Variants in SLC37A3 observed in about 807,000 individuals in gnomAD.
The protein encoded by SLC37A3 is solute carrier family 37 member 3, also known as sugar phosphate exchanger 3.
SLC37A3 carries 51 observed loss-of-function variants against 67.1 expected under a neutral mutation model. The ratio of observed to expected loss-of-function variants is 0.76; its 90% confidence interval spans 0.61 to 0.96. SLC37A3 has a LOEUF of 0.96. SLC37A3 is among the 40% of genes least tolerant of loss of function. The pLI is 0.00. For missense variants in SLC37A3, 508 were observed against 603.0 expected, an observed-to-expected ratio of 0.84 and a Z score of 1.65; for synonymous variants, 214 against 231.4, an observed-to-expected ratio of 0.92 and a Z score of 0.68.
At chr7:140,352,914 G>A (rs1375216382) in intron 7 of SLC37A3, among the ~76,000 whole-genome samples, 2 of 152,132 alleles carry the variant, frequency 1.3e-5, no homozygotes, top group Non-Finnish European at 2.9e-5. Context: ...GACAAAATTA[G>A]TGTTTCCAGA....
chr7:140,375,370 T>C lies in SLC37A3; in HGVS notation c.198+4912A>G, dbSNP rs1193326483. On this transcript the variant is annotated intron_variant, in intron 3 of 14. Coordinates refer to ENST00000326232, the MANE Select transcript of SLC37A3 (RefSeq NM_207113.3). Reference sequence around the variant, plus strand: ...TGCACCTGTAATCCCAGCTACTCCGTAGGCTGAGACAGGAGAATCACTTGA... The same window carrying C: ...TGCACCTGTAATCCCAGCTACTCCGCAGGCTGAGACAGGAGAATCACTTGA... Among the ~76,000 whole-genome samples, 3 of 149,772 alleles carry C rather than the reference T, an allele frequency of 2.0e-5. No individual in the cohort carries two copies. The East Asian group carries it at 5.9e-4, about 30-fold the overall frequency.
At chr7:140,349,090 A>G (rs6964909) in intron 9 of SLC37A3, among the ~76,000 whole-genome samples, 102,453 of 152,094 alleles carry the variant, frequency 0.67, 34,700 homozygotes, top group East Asian at 0.8. Flanking sequence ...TATAAGGCAG[A>G]GCACATACCC....
intron 4 of SLC37A3, among the ~76,000 whole-genome samples, chr7:140,368,626 G>A (rs916986808): frequency 5.3e-5 from 8 of 152,064 alleles, no homozygotes; most frequent in African/African-American, 1.9e-4. Context: ...CCAAAAACAT[G>A]TATCTTCAGA....
At position 140,343,504 on chromosome 7, in the gene SLC37A3, G is replaced by A. The variant is rs200119569; in HGVS notation, c.1234C>T (p.Arg412Cys). Residue 412 changes from arginine (R) to cysteine (C), a missense_variant, in exon 13 of 15, where the codon CGC becomes TGC. Transcript: ENST00000326232. ...ISSAISADLGRQELIQRSSEA... is the reference protein window; with the variant it reads ...ISSAISADLGCQELIQRSSEA... ...CTGCTCCTTTGGATGAGCTCCTGGC[G>A]ACCCAAGTCCGCAGAAATAGCAGAA... 2.2e-5 allele frequency: 35 copies of A among 1,613,986 alleles called. No homozygotes were observed. The highest frequency in any genetic ancestry group is 1.7e-4 in the Middle Eastern group (1 of 6,058).
Position 140,352,140 on chromosome 7 carries a change from A to C in SLC37A3, c.625T>G (p.Phe209Val). The C allele has an allele frequency of 6.3e-7, 1 of 1,586,834 alleles. No homozygotes were observed. The highest frequency in any genetic ancestry group is 8.6e-7 in the Non-Finnish European group (1 of 1,162,536). ...AACTGCACAGACGCCGTCACCAGAA[A>C]GGCATACTGGAGGAGAGGGGTGAAA... ...SVLQYGYEYAFLVTASVQFAG... is the reference protein window; with the variant it reads ...SVLQYGYEYAVLVTASVQFAG... Residue 209 changes from phenylalanine to valine, a missense_variant, in exon 8 of 15, where the codon TTT becomes GTT. Physicochemically the swap from Phe to Val is conservative, Grantham distance 50. Coordinates refer to ENST00000326232, the MANE Select transcript of SLC37A3 (RefSeq NM_207113.3).
chr7:140,385,908 G>A (rs1437040520), intron 1 of SLC37A3, among the ~76,000 whole-genome samples: 1 of 152,086 alleles, frequency 6.6e-6, no homozygotes, highest in Non-Finnish European at 1.5e-5. Flanking sequence ...TCAGCCTCTC[G>A]AGTAGCTGGC....
At position 140,382,466 on chromosome 7, in the gene SLC37A3, C is replaced by T. The variant is rs1234710293; in HGVS notation, c.61G>A (p.Val21Ile). 4 of 1,614,040 alleles carry T rather than the reference C, an allele frequency of 2.5e-6. No homozygotes were observed. Among genetic ancestry groups the T allele is most frequent in the African/African-American group, 2.7e-5 (2 of 74,932 alleles). ...SLLSQFSHHH[V>I]VVFLLTFFSY... The stretch of plus-strand genomic sequence containing the variant: ...AAGAAAGTGAGCAGGAACACTACAA[C>T]ATGATGATGGCTGAACTGGGACAGC... The change falls in exon 2 of 15, where the codon GTT (valine) becomes ATT (isoleucine). Residue 21 changes from valine to isoleucine, a missense_variant. Val to Ile is a conservative substitution (Grantham distance 29). Coordinates refer to ENST00000326232, the MANE Select transcript of SLC37A3 (RefSeq NM_207113.3).
chr7:140,352,829 C>G (rs1796868884), intron 7 of SLC37A3, among the ~76,000 whole-genome samples: 1 of 152,142 alleles, frequency 6.6e-6, no homozygotes, highest in Admixed American at 6.6e-5. Flanking sequence ...TCTCAACCCC[C>G]AGGCTGCACA....
chr7:140,360,729 G>T (rs1378640208), intron 5 of SLC37A3, among the ~76,000 whole-genome samples: 3 of 59,294 alleles, frequency 5.1e-5, no homozygotes, highest in African/African-American at 1.2e-4. Context: ...GCAAGACTCC[G>T]TTTAAAAAAA....
chr7:140,361,668 C>T (rs1797301919), intron 5 of SLC37A3, among the ~76,000 whole-genome samples: 1 of 150,458 alleles, frequency 6.6e-6, no homozygotes, highest in Non-Finnish European at 1.5e-5. Flanking sequence ...CCTGCCTCAG[C>T]CTGCCGAGTG....
At chr7:140,386,065 G>A (rs1288469952) in intron 1 of SLC37A3, among the ~76,000 whole-genome samples, 1 of 152,114 alleles carries the variant, frequency 6.6e-6, no homozygotes, top group Non-Finnish European at 1.5e-5. Flanking sequence ...TCACAGGTGT[G>A]AGCCACCATG....
At chr7:140,357,794 GT>G (rs1248760357) in intron 6 of SLC37A3, among the ~76,000 whole-genome samples, 1 of 151,924 alleles carries the variant, frequency 6.6e-6, no homozygotes, top group Non-Finnish European at 1.5e-5. Flanking sequence ...GCACATGCCT[GT>G]AATCCCAGCT....
intron 7 of SLC37A3, 96 bp from the exon 8 acceptor site, chr7:140,352,242 G>GA: frequency 2.6e-6 from 1 of 382,886 alleles, no homozygotes; most frequent in South Asian, 1.9e-5. Flanking sequence ...GGGGGTGGGG[G>GA]AGAGGTGGGA....
At chr7:140,351,580 G>T in intron 8 of SLC37A3, 129 bp from the exon 9 acceptor site, 2 of 927,526 alleles carry the variant, frequency 2.2e-6, no homozygotes. Flanking sequence ...AAGGTCCAGA[G>T]ACCGAGGTCA....
At position 140,369,644 on chromosome 7, in the gene SLC37A3, T is replaced by C. The variant is rs1343719164; in HGVS notation, c.237A>G (p.Lys79=). Residue 79 remains lysine (K), a synonymous_variant, in exon 4 of 15, where the codon AAA becomes AAG. Coordinates refer to ENST00000326232, the MANE Select transcript of SLC37A3 (RefSeq NM_207113.3). The part of the protein sequence containing the change: ...SSNHLFPSAE[K]ATLFLGTLDT... ...CCAGTGTGCCGAGGAAAAGAGTCGC[T>C]TTCTCTGCACTGGGGAACAAATGGT... 5.0e-6 allele frequency: 8 copies of C among 1,613,888 alleles called. No homozygotes were observed. The highest frequency in any genetic ancestry group is 5.1e-6 in the Non-Finnish European group (6 of 1,179,982).
At chr7:140,356,325 G>GAA (rs1204105183) in intron 6 of SLC37A3, among the ~76,000 whole-genome samples, 1 of 152,094 alleles carries the variant, frequency 6.6e-6, no homozygotes, top group African/African-American at 2.4e-5. Context: ...CAAAGTCTTT[G>GAA]AAAAGTGGGC....
intron 1 of SLC37A3, among the ~76,000 whole-genome samples, chr7:140,390,397 T>A (rs1334594385): frequency 6.6e-6 from 1 of 152,096 alleles, no homozygotes; most frequent in Non-Finnish European, 1.5e-5. Flanking sequence ...GTGCTCCCTA[T>A]ACCTTCACTT....
Position 140,335,478 on chromosome 7 carries a change from C to T in SLC37A3, c.1419G>A (p.Ser473=), listed in dbSNP as rs772801174. The T allele has an allele frequency of 8.1e-6, 13 of 1,613,744 alleles. No individual in the cohort carries two copies. The highest frequency in any genetic ancestry group is 1.6e-4 in the Middle Eastern group (1 of 6,078). ...AGAATATTTCCCTCACTATTAATGG[C>T]GAGATAAACACAATTGTACAACTTG... is the stretch of plus-strand genomic sequence containing the variant. The part of the protein sequence containing the change: ...LMTSCTIVFI[S]PLIVREIFSL... Residue 473 remains serine (S), a synonymous_variant, in exon 15 of 15, where the codon TCG becomes TCA. Coordinates refer to ENST00000326232, the MANE Select transcript of SLC37A3 (RefSeq NM_207113.3).
At chr7:140,358,202 G>A (rs1034403413) in intron 6 of SLC37A3, among the ~76,000 whole-genome samples, 1 of 152,114 alleles carries the variant, frequency 6.6e-6, no homozygotes, top group African/African-American at 2.4e-5. Context: ...ACCTTGGGCA[G>A]GTCAACATGA....
Sources: gnomAD v4.1 joint callset for allele counts (sites outside exome capture counted in the v4.1 genomes callset) on GRCh38, gnomAD v4.1.1 for gene constraint, MANE v1.5 for transcripts, NCBI Gene and HGNC (gene_info 2026-07-23, HGNC 2026-07-21) for gene names.